Variants in WBP2NL observed in about 807,000 individuals in gnomAD.
WBP2NL encodes the protein WBP2 N-terminal like.
Under a neutral mutation model 23.3 loss-of-function variants are expected in WBP2NL, and 27 were observed. The ratio of observed to expected loss-of-function variants is 1.16; its 90% confidence interval spans 0.85 to 1.60. The LOEUF (loss-of-function observed/expected upper bound fraction) is 1.60. Ranked by LOEUF, WBP2NL falls within the 40% of genes most tolerant of loss-of-function variation. The probability of loss-of-function intolerance (pLI) is 0.00; values close to 1 mark genes in which losing one functional copy is unlikely to be tolerated. For synonymous variants in WBP2NL, 151 were observed against 145.9 expected (o/e 1.03, Z -0.25); for missense variants, 370 against 389.5 (o/e 0.95, Z 0.42).
At chr22:42,020,248 C>G in intron 4 of WBP2NL, 152 bp downstream of exon 4, 1 of 743,040 alleles carries the variant, frequency 1.3e-6, no homozygotes, top group Non-Finnish European at 2.1e-6. Flanking sequence ...CCATGTTGCC[C>G]AGGCTGGTCT....
intron 8 of WBP2NL, among the ~76,000 whole-genome samples, chr22:42,056,723 G>A (rs1258468061): frequency 6.6e-6 from 1 of 151,612 alleles, no homozygotes; most frequent in African/African-American, 2.4e-5. Flanking sequence ...AATTTTTGTG[G>A]CTGCATAGTA....
intron 8 of WBP2NL, among the ~76,000 whole-genome samples, chr22:42,040,803 G>T (rs1019417607): frequency 3.9e-5 from 6 of 152,110 alleles, no homozygotes; most frequent in Non-Finnish European, 8.8e-5. Context: ...TCTTAAATTT[G>T]TTAAAACTTG....
At chr22:42,021,993 T>G (rs1367598327) in intron 4 of WBP2NL, among the ~76,000 whole-genome samples, 1 of 151,870 alleles carries the variant, frequency 6.6e-6, no homozygotes, top group Admixed American at 6.6e-5. Flanking sequence ...AGAGATAGGG[T>G]CTTGCCATGT....
chr22:42,045,763 T>C (rs537057009), intron 8 of WBP2NL, among the ~76,000 whole-genome samples: 3 of 152,370 alleles, frequency 2.0e-5, no homozygotes, highest in African/African-American at 7.2e-5. Flanking sequence ...AGTTCACTGG[T>C]AAATTCAATA....
chr22:42,049,976 CAAAAAAAAAA>C (rs34787117), intron 8 of WBP2NL, among the ~76,000 whole-genome samples: 1 of 84,420 alleles, frequency 1.2e-5, no homozygotes, highest in Admixed American at 1.5e-4. Flanking sequence ...GACTCCGTCT[CAAAAAAAAAA>C]AAAAAAAAAA....
At chr22:42,039,537 T>G (rs888588117) in intron 8 of WBP2NL, among the ~76,000 whole-genome samples, 1 of 152,134 alleles carries the variant, frequency 6.6e-6, no homozygotes, top group African/African-American at 2.4e-5. Context: ...TTGTTATTGG[T>G]CTGCTCAGAC....
intron 8 of WBP2NL, among the ~76,000 whole-genome samples, chr22:42,051,555 T>C (rs940874955): frequency 1.3e-5 from 2 of 152,212 alleles, no homozygotes; most frequent in African/African-American, 4.8e-5. Context: ...ATAACAAATC[T>C]GCCACATTAA....
intron 1 of WBP2NL, among the ~76,000 whole-genome samples, chr22:42,008,107 C>G (rs1922434404): frequency 8.2e-6 from 1 of 121,806 alleles, no homozygotes; most frequent in African/African-American, 2.9e-5. Context: ...CTTTCCTTTC[C>G]TTTCCTTTCC....
downstream of WBP2NL, among the ~76,000 whole-genome samples, chr22:42,029,786 A>G (rs1183588282): frequency 2.6e-5 from 4 of 152,238 alleles, no homozygotes; most frequent in Non-Finnish European, 5.9e-5. Flanking sequence ...GTGACCACAT[A>G]ATATTCTGTG....
At chr22:42,036,453 C>T (rs955962243), downstream of WBP2NL, among the ~76,000 whole-genome samples, 3 of 152,190 alleles carry the variant, frequency 2.0e-5, no homozygotes, top group Admixed American at 1.3e-4. Flanking sequence ...GGATTACGGG[C>T]GTGAGCCACC....
At chr22:42,036,483 A>G (rs1277750436), downstream of WBP2NL, among the ~76,000 whole-genome samples, 1 of 152,106 alleles carries the variant, frequency 6.6e-6, no homozygotes, top group African/African-American at 2.4e-5. Flanking sequence ...CATGTGTTCT[A>G]TTTTTAATTT....
chr22:42,030,625 A>G (rs1924878465), downstream of WBP2NL: 3 of 152,372 alleles, frequency 2.0e-5, no homozygotes, highest in South Asian at 2.1e-4. Context: ...GATCTTAAAC[A>G]TGGGTCATAG....
intron 8 of WBP2NL, among the ~76,000 whole-genome samples, chr22:42,051,315 A>G (rs1314614154): frequency 6.6e-6 from 1 of 152,178 alleles, no homozygotes; most frequent in East Asian, 1.9e-4. Flanking sequence ...AGACAGTGAA[A>G]AGATCAGTGA....
In WBP2NL at chr22:42,026,625, G is replaced by T. The variant is rs188526366; in HGVS notation, c.515-141G>T. On this transcript the variant is annotated intron_variant, in intron 5 of 5. Transcript: ENST00000328823. Reference sequence around the variant, plus strand: ...ATATGCCTTCAATTGGTGATAGCTAGAGGAAATAGCTTTAGCATTATTCTG... The same window carrying T: ...ATATGCCTTCAATTGGTGATAGCTATAGGAAATAGCTTTAGCATTATTCTG... 2.6e-5 allele frequency: 35 copies of T among 1,352,728 alleles called. No individual in the cohort carries two copies. In the African/African-American group the frequency reaches 5.0e-4, roughly 19 times the overall value. 83.8% of individuals were successfully genotyped at this position (1,352,728 alleles called of 1,614,324 possible). A position where few individuals can be genotyped will look rare whatever the true frequency, so the allele number is the denominator to read the frequency against.
intron 1 of WBP2NL, among the ~76,000 whole-genome samples, chr22:42,016,497 GA>G (rs1353522618): frequency 6.6e-6 from 1 of 152,172 alleles, no homozygotes; most frequent in African/African-American, 2.4e-5. Context: ...AGTAGTGGGG[GA>G]TGATACCAGG....
chr22:42,014,037 C>T (rs1325103199), intron 1 of WBP2NL, among the ~76,000 whole-genome samples: 2 of 152,140 alleles, frequency 1.3e-5, no homozygotes, highest in East Asian at 3.9e-4. Flanking sequence ...CTGCCTCTGC[C>T]TTTCAAAGTA....
chr22:42,003,975 TAAG>T (rs1039087955), intron 1 of WBP2NL, among the ~76,000 whole-genome samples: 3 of 152,096 alleles, frequency 2.0e-5, no homozygotes, highest in Non-Finnish European at 4.4e-5. Context: ...AAATGGATAA[TAAG>T]AAGGGACAAG....
downstream of WBP2NL, among the ~76,000 whole-genome samples, chr22:42,035,888 C>T (rs987121676): frequency 6.6e-6 from 1 of 152,192 alleles, no homozygotes; most frequent in African/African-American, 2.4e-5. Flanking sequence ...TTAGATTCTA[C>T]ATAAAAGGGA....
At chr22:42,019,064 C>A (rs540468207) in intron 1 of WBP2NL, among the ~76,000 whole-genome samples, 2 of 151,540 alleles carry the variant, frequency 1.3e-5, no homozygotes, top group Non-Finnish European at 2.9e-5. Flanking sequence ...TACAAAAATA[C>A]AAAAAAATTA....
Sources: allele counts gnomAD v4.1 joint callset (sites outside exome capture counted in the v4.1 genomes callset), GRCh38; gene constraint gnomAD v4.1.1; transcripts MANE v1.5; gene names NCBI Gene and HGNC (gene_info 2026-07-23, HGNC 2026-07-21).